RAP1A: variants seen among roughly 807,000 people sequenced by gnomAD.
The protein encoded by RAP1A is RAP1A, member of RAS oncogene family.
RAP1A carries 6 observed loss-of-function variants against 26.4 expected under a neutral mutation model. That is an observed-to-expected ratio of 0.23 (90% confidence interval 0.12 to 0.45). The LOEUF is 0.45. RAP1A is among the 20% of genes least tolerant of loss of function. The probability of loss-of-function intolerance (pLI) is 0.99; values close to 1 mark genes in which losing one functional copy is unlikely to be tolerated. For missense variants in RAP1A, 121 were observed against 217.2 expected (o/e 0.56, Z 2.78); for synonymous variants, 73 against 79.4 (o/e 0.92, Z 0.43).
upstream of RAP1A, among the ~76,000 whole-genome samples, chr1:111,618,109 C>T (rs72983195): frequency 0.011 from 1,662 of 152,186 alleles, 24 homozygotes; most frequent in African/African-American, 0.038. Context: ...AATATCCTCC[C>T]TTGATCTCAA....
At chr1:111,591,318 T>A (rs1293074740) in intron 1 of RAP1A, among the ~76,000 whole-genome samples, 1 of 152,192 alleles carries the variant, frequency 6.6e-6, no homozygotes, top group East Asian at 1.9e-4. Context: ...AACTTTGTTT[T>A]AAATTTTATT....
intron 1 of RAP1A, among the ~76,000 whole-genome samples, chr1:111,566,859 T>C (rs1018351570): frequency 2.0e-5 from 3 of 147,684 alleles, no homozygotes; most frequent in Non-Finnish European, 3.0e-5. Flanking sequence ...ATATAGTTGG[T>C]GGTTGGGTTT....
intron 1 of RAP1A, among the ~76,000 whole-genome samples, chr1:111,689,253 A>C (rs538039994): frequency 1.1e-4 from 16 of 151,950 alleles, no homozygotes; most frequent in Admixed American, 5.2e-4. Flanking sequence ...CTGTAGTTCT[A>C]GTCTTTTTTT....
intron 1 of RAP1A, among the ~76,000 whole-genome samples, chr1:111,545,725 G>A (rs1487037091): frequency 6.6e-6 from 1 of 152,052 alleles, no homozygotes; most frequent in African/African-American, 2.4e-5. Context: ...ATTTACACCT[G>A]TTTCCTTTGA....
At chr1:111,618,946 A>G (rs765971626), upstream of RAP1A, among the ~76,000 whole-genome samples, 8 of 152,234 alleles carry the variant, frequency 5.3e-5, no homozygotes, top group Non-Finnish European at 1.2e-4. Flanking sequence ...TATTTTACAC[A>G]CATCAGCAAG....
chr1:111,611,109 G>A (rs1056026743), intron 1 of RAP1A, among the ~76,000 whole-genome samples: 4 of 152,256 alleles, frequency 2.6e-5, no homozygotes, highest in South Asian at 4.1e-4. Context: ...GTCCTATTAC[G>A]ACAAATCCTA....
At chr1:111,644,616 A>G (rs1449595288) in intron 1 of RAP1A, among the ~76,000 whole-genome samples, 1 of 152,230 alleles carries the variant, frequency 6.6e-6, no homozygotes, top group African/African-American at 2.4e-5. Context: ...AGAAGGAGGA[A>G]TACTAGACAT....
At chr1:111,698,057 C>T (rs1661892227) in intron 4 of RAP1A, among the ~76,000 whole-genome samples, 1 of 152,114 alleles carries the variant, frequency 6.6e-6, no homozygotes, top group South Asian at 2.1e-4. Flanking sequence ...AATCATTAGG[C>T]ATAATGTCTG....
intron 1 of RAP1A, among the ~76,000 whole-genome samples, chr1:111,652,333 A>G (rs1268071513): frequency 6.6e-6 from 1 of 152,234 alleles, no homozygotes; most frequent in African/African-American, 2.4e-5. Flanking sequence ...GAAATACAAA[A>G]TAATCCTTAC....
At chr1:111,653,093 TACTG>T (rs1660328306) in intron 1 of RAP1A, among the ~76,000 whole-genome samples, 1 of 152,096 alleles carries the variant, frequency 6.6e-6, no homozygotes, top group African/African-American at 2.4e-5. Flanking sequence ...AGGAATGAAA[TACTG>T]ACACAACTTC....
At chr1:111,647,838 G>T (rs1660120470) in intron 1 of RAP1A, among the ~76,000 whole-genome samples, 1 of 151,940 alleles carries the variant, frequency 6.6e-6, no homozygotes, top group Non-Finnish European at 1.5e-5. Flanking sequence ...CCTGGCCAGG[G>T]ATCCAGATCT....
At chr1:111,701,364 A>T (rs1213516450) in intron 4 of RAP1A, among the ~76,000 whole-genome samples, 1 of 152,178 alleles carries the variant, frequency 6.6e-6, no homozygotes, top group African/African-American at 2.4e-5. Flanking sequence ...TGGTTGCTCA[A>T]ATGTTACCCG....
At position 111,624,634 on chromosome 1, in the gene RAP1A, G is replaced by A. The variant is rs145530723; in HGVS notation, c.-28+4700G>A. Among the ~76,000 whole-genome samples, 111 of 152,138 alleles carry A rather than the reference G, an allele frequency of 7.3e-4. 3 individuals carry two copies. In the East Asian group the frequency reaches 0.021, roughly 28 times the overall value. ...AGAACCATGCCATGCTGTCATTTCT[G>A]CTTGAAAATAAGCCTTTTAGAGGTA... On this transcript the variant is annotated intron_variant, in intron 1 of 7. Coordinates refer to ENST00000369709, the MANE Select transcript of RAP1A (RefSeq NM_002884.4).
intron 1 of RAP1A, among the ~76,000 whole-genome samples, chr1:111,558,309 C>T (rs986609129): frequency 4.0e-5 from 6 of 151,798 alleles, no homozygotes; most frequent in South Asian, 4.2e-4. Context: ...CCCTGAGTAG[C>T]GAGGACTACA....
intron 1 of RAP1A, chr1:111,649,396 G>T: frequency 2.7e-6 from 1 of 364,118 alleles, no homozygotes; most frequent in Non-Finnish European, 5.4e-6. Context: ...ACCCCAAGCT[G>T]TCCCAGAAGC....
chr1:111,680,149 C>T (rs562290730), intron 1 of RAP1A, among the ~76,000 whole-genome samples: 11 of 152,284 alleles, frequency 7.2e-5, no homozygotes, highest in South Asian at 2.1e-4. Flanking sequence ...TTCTTGGTCT[C>T]GCTGACTTCA....
At chr1:111,560,260 A>G (rs1311054134) in intron 1 of RAP1A, among the ~76,000 whole-genome samples, 1 of 152,086 alleles carries the variant, frequency 6.6e-6, no homozygotes, top group Non-Finnish European at 1.5e-5. Flanking sequence ...TAACAAAGAG[A>G]GTGAGGTCAA....
At chr1:111,699,081 A>G (rs1661931414) in intron 4 of RAP1A, among the ~76,000 whole-genome samples, 1 of 152,084 alleles carries the variant, frequency 6.6e-6, no homozygotes, top group African/African-American at 2.4e-5. Context: ...CTAGCACTCA[A>G]CACGCTGTGT....
chr1:111,607,244 A>G (rs1658804565), intron 1 of RAP1A, among the ~76,000 whole-genome samples: 1 of 151,948 alleles, frequency 6.6e-6, no homozygotes, highest in Non-Finnish European at 1.5e-5. Flanking sequence ...TGCTGCCTTC[A>G]AGCATCTGTT....
Sources: allele counts gnomAD v4.1 joint callset (sites outside exome capture counted in the v4.1 genomes callset), GRCh38; gene constraint gnomAD v4.1.1; transcripts MANE v1.5; gene names NCBI Gene and HGNC (gene_info 2026-07-23, HGNC 2026-07-21).